The following GRM8 variants were observed in gnomAD, a reference collection of about 807,000 sequenced individuals.
The protein encoded by GRM8 is metabotropic glutamate receptor 8.
GRM8 carries 47 observed loss-of-function variants against 87.2 expected under a neutral mutation model. The ratio of observed to expected loss-of-function variants is 0.54; its 90% CI spans 0.43 to 0.69. The LOEUF (loss-of-function observed/expected upper bound fraction) is 0.69. GRM8 is among the 30% of genes least tolerant of loss of function. GRM8 has a pLI of 0.00. For missense variants in GRM8, 1,019 were observed against 1,139.2 expected (o/e 0.89, Z 1.52); for synonymous variants, 396 against 404.5 (o/e 0.98, Z 0.25).
At chr7:126,451,420 C>A (rs751168968) in intron 9 of GRM8, among the ~76,000 whole-genome samples, 2 of 151,782 alleles carry the variant, frequency 1.3e-5, no homozygotes, top group Non-Finnish European at 2.9e-5. Flanking sequence ...AATGTCTCCA[C>A]TGGTGTTACA....
chr7:127,241,791 A>T (rs973465180), intron 2 of GRM8, among the ~76,000 whole-genome samples: 3 of 152,220 alleles, frequency 2.0e-5, no homozygotes, highest in Non-Finnish European at 4.4e-5. Context: ...TAAGTTGAAA[A>T]ATTCATGTCC....
intron 7 of GRM8, among the ~76,000 whole-genome samples, chr7:126,636,570 C>A (rs1384987073): frequency 6.6e-6 from 1 of 151,998 alleles, no homozygotes; most frequent in African/African-American, 2.4e-5. Flanking sequence ...TTTGAATCTA[C>A]AGATGCAGAA....
At chr7:127,035,505 T>C (rs1482301464) in intron 3 of GRM8, among the ~76,000 whole-genome samples, 1 of 152,198 alleles carries the variant, frequency 6.6e-6, no homozygotes, top group East Asian at 1.9e-4. Context: ...CCAGCCACAG[T>C]AGTCTCTTCC....
Position 126,935,617 on chromosome 7 carries a change from A to G in GRM8, c.728-30934T>C, listed in dbSNP as rs560686187. On this transcript the variant is annotated intron_variant, in intron 3 of 10. Coordinates refer to ENST00000339582, the MANE Select transcript of GRM8 (RefSeq NM_000845.3). ...TCTGCAGTTACTTGTCAACTCACTG[A>G]ATGGTGAGGGATGCAAAGGCACAGG... Among the ~76,000 whole-genome samples, 4 of 152,332 alleles carry G rather than the reference A, an allele frequency of 2.6e-5. No individual in the cohort carries two copies. The South Asian group carries it at 8.3e-4, about 32-fold the overall frequency.
chr7:126,776,555 A>G (rs559080426), intron 6 of GRM8, among the ~76,000 whole-genome samples: 4 of 152,192 alleles, frequency 2.6e-5, no homozygotes, highest in Non-Finnish European at 5.9e-5. Context: ...TTAATTATTA[A>G]AAGAATAAAA....
At chr7:127,194,325 C>T (rs922364955) in intron 2 of GRM8, among the ~76,000 whole-genome samples, 1 of 152,110 alleles carries the variant, frequency 6.6e-6, no homozygotes, top group Non-Finnish European at 1.5e-5. Flanking sequence ...AGGACTGCGG[C>T]GTAAATAAGC....
chr7:126,586,288 A>G (rs1193887152), intron 8 of GRM8, among the ~76,000 whole-genome samples: 2 of 152,220 alleles, frequency 1.3e-5, no homozygotes, highest in African/African-American at 4.8e-5. Context: ...TGCCATCTCC[A>G]TCAAGCTACC....
At chr7:126,931,273 A>G (rs868290897) in intron 3 of GRM8, among the ~76,000 whole-genome samples, 2 of 152,240 alleles carry the variant, frequency 1.3e-5, no homozygotes, top group Non-Finnish European at 2.9e-5. Flanking sequence ...TTCCAAATAC[A>G]AATTCAATGA....
chr7:127,066,476 G>C (rs891761948), intron 3 of GRM8, among the ~76,000 whole-genome samples: 2 of 152,036 alleles, frequency 1.3e-5, no homozygotes, highest in Non-Finnish European at 2.9e-5. Context: ...TATCTCATTT[G>C]ATACTCAAAT....
intron 2 of GRM8, among the ~76,000 whole-genome samples, chr7:127,218,495 T>G (rs1476912478): frequency 1.3e-5 from 2 of 152,200 alleles, no homozygotes; most frequent in African/African-American, 4.8e-5. Flanking sequence ...AGCCTCAGTT[T>G]CCTCAATGTA....
chr7:126,815,288 A>G (rs1793679591), intron 6 of GRM8, among the ~76,000 whole-genome samples: 1 of 152,158 alleles, frequency 6.6e-6, no homozygotes, highest in Non-Finnish European at 1.5e-5. Context: ...ATTCTGACTC[A>G]AATACAAGTT....
chr7:126,934,223 A>C (rs1806054029), intron 3 of GRM8, among the ~76,000 whole-genome samples: 1 of 152,196 alleles, frequency 6.6e-6, no homozygotes, highest in Non-Finnish European at 1.5e-5. Flanking sequence ...TAAGAAGGCA[A>C]AAAAATGGTT....
At chr7:126,472,830 G>A (rs1473040751) in intron 9 of GRM8, among the ~76,000 whole-genome samples, 1 of 152,156 alleles carries the variant, frequency 6.6e-6, no homozygotes, top group East Asian at 1.9e-4. Context: ...GGTGCCCTGA[G>A]TCCCAGCCAT....
chr7:126,618,479 T>G (rs571232842), intron 7 of GRM8, among the ~76,000 whole-genome samples: 15 of 152,210 alleles, frequency 9.9e-5, no homozygotes, highest in Admixed American at 4.6e-4. Context: ...ATGGACTTCA[T>G]GTCTAAAACA....
At chr7:126,657,949 TA>T (rs1215160067) in intron 7 of GRM8, among the ~76,000 whole-genome samples, 1 of 152,228 alleles carries the variant, frequency 6.6e-6, no homozygotes, top group Non-Finnish European at 1.5e-5. Flanking sequence ...AACGACAAAC[TA>T]AAATTAAGTA....
intron 7 of GRM8, among the ~76,000 whole-genome samples, chr7:126,734,382 C>T (rs1447846480): frequency 6.6e-6 from 1 of 151,336 alleles, no homozygotes; most frequent in African/African-American, 2.4e-5. Flanking sequence ...TATATCATGG[C>T]AATATTTTAA....
chr7:126,481,173 T>G (rs1340571076), intron 9 of GRM8, among the ~76,000 whole-genome samples: 1 of 151,994 alleles, frequency 6.6e-6, no homozygotes, highest in Non-Finnish European at 1.5e-5. Flanking sequence ...AAAGGAAAGC[T>G]TTTCCCTTAA....
intron 7 of GRM8, among the ~76,000 whole-genome samples, chr7:126,755,623 G>A (rs1816916463): frequency 6.6e-6 from 1 of 151,906 alleles, no homozygotes; most frequent in African/African-American, 2.4e-5. Context: ...AAAAGCAAAT[G>A]TGTTTTCCTC....
intron 8 of GRM8, among the ~76,000 whole-genome samples, chr7:126,599,489 A>G (rs536197770): frequency 2.0e-5 from 3 of 152,252 alleles, no homozygotes; most frequent in African/African-American, 7.2e-5. Context: ...AGTAAGTCCC[A>G]TATTATACTA....
Sources: allele counts gnomAD v4.1 joint callset (sites outside exome capture counted in the v4.1 genomes callset), GRCh38; gene constraint gnomAD v4.1.1; transcripts MANE v1.5; gene names NCBI Gene and HGNC (gene_info 2026-07-23, HGNC 2026-07-21).